Variants in GSE1 observed in about 807,000 individuals in gnomAD.
GSE1 encodes genetic suppressor element 1.
In GSE1, 32 loss-of-function variants were observed where a neutral mutation model predicts 112.6. The ratio of observed to expected loss-of-function variants is 0.28; its 90% CI spans 0.21 to 0.38. The LOEUF is 0.38. Ranked by LOEUF, GSE1 falls within the 10% of genes least tolerant of loss-of-function variation. The pLI, the probability that GSE1 is intolerant of heterozygous loss-of-function variation, is 1.00. For missense variants in GSE1, 2,348 were observed against 1,699.2 expected, an observed-to-expected ratio of 1.38 and a Z score of -6.71; for synonymous variants, 1,115 against 735.6, an observed-to-expected ratio of 1.52 and a Z score of -8.35.
At chr16:85,590,018 T>C (rs942498812) in intron 1 of GSE1, among the ~76,000 whole-genome samples, 41 of 151,776 alleles carry the variant, frequency 2.7e-4, no homozygotes, top group Admixed American at 1.3e-4. Context: ...CCTGTGTGAA[T>C]GAACATGAGA....
Position 85,671,041 on chromosome 16 carries a change from G to C in GSE1, c.3462G>C (p.Leu1154=). 6.2e-7 allele frequency: 1 copy of C among 1,612,996 alleles called. No individual in the cohort carries two copies. The highest frequency in any genetic ancestry group is 2.2e-5 in the East Asian group (1 of 44,856). The change falls in exon 15 of 16, where the codon CTG becomes CTC. Residue 1154 remains leucine, a synonymous_variant. Transcript: ENST00000253458. Reference sequence around the variant, plus strand: ...TGTTACAGACACAATGTAGACGACTGGAGGCCCGGCACTACAGCCTCAGCC... The same window carrying C: ...TGTTACAGACACAATGTAGACGACTCGAGGCCCGGCACTACAGCCTCAGCC... ...RQVLQTQCRR[L]EARHYSLSLT...
At position 85,601,007 on chromosome 16, in the gene GSE1, G is replaced by T. The variant is rs564736952; in HGVS notation, c.37+44644G>T. Among the ~76,000 whole-genome samples the T allele has an allele frequency of 1.9e-4, 25 of 129,198 alleles. No homozygotes were observed. In the East Asian group the frequency reaches 4.8e-3, roughly 25 times the overall value. The allele number at this position is 129,198 out of a possible 152,430, so 84.8% of individuals were successfully genotyped here. A position where few individuals can be genotyped will look rare whatever the true frequency, so the allele number is the denominator to read the frequency against. ...GAGGGAAGGTCGGCTTCCACCAGTG[G>T]GGGGGTTAGAGCTGCCATCCAGGAG... On this transcript the variant is annotated intron_variant, in intron 1 of 2. Transcript: ENST00000635906.
chr16:85,322,756 C>T (rs2046138263), intron 1 of GSE1, among the ~76,000 whole-genome samples: 2 of 152,018 alleles, frequency 1.3e-5, no homozygotes, highest in Admixed American at 1.3e-4. Flanking sequence ...GCTGGGACTA[C>T]AGACGTCCAC....
At chr16:85,588,716 G>A (rs909194961) in intron 1 of GSE1, among the ~76,000 whole-genome samples, 2 of 152,288 alleles carry the variant, frequency 1.3e-5, no homozygotes, top group East Asian at 1.9e-4. Context: ...GGCAGGCGGC[G>A]AAATCTGCCG....
At chr16:85,224,178 G>T (rs1044264959) in intron 1 of GSE1, among the ~76,000 whole-genome samples, 1 of 151,658 alleles carries the variant, frequency 6.6e-6, no homozygotes, top group Non-Finnish European at 1.5e-5. Flanking sequence ...ATGCTGGTGG[G>T]GAGAAAGGAG....
At chr16:85,617,898 C>T (rs191302463) in intron 1 of GSE1, among the ~76,000 whole-genome samples, 1 of 152,286 alleles carries the variant, frequency 6.6e-6, no homozygotes, top group Admixed American at 6.5e-5. Context: ...AAATGGACGT[C>T]TCCCCTCTAC....
At chr16:85,343,021 C>T (rs969926334) in intron 1 of GSE1, among the ~76,000 whole-genome samples, 1 of 151,988 alleles carries the variant, frequency 6.6e-6, no homozygotes, top group African/African-American at 2.4e-5. Flanking sequence ...GTGGAGAAGG[C>T]CTGGGGGTGC....
intron 3 of GSE1, among the ~76,000 whole-genome samples, chr16:85,653,827 C>T (rs778341843): frequency 6.6e-6 from 1 of 152,216 alleles, no homozygotes; most frequent in Non-Finnish European, 1.5e-5. Context: ...GCTGTCGGCG[C>T]AGTTGACGTC....
intron 2 of GSE1, among the ~76,000 whole-genome samples, chr16:85,414,372 A>G (rs2048655809): frequency 1.3e-5 from 2 of 152,228 alleles, no homozygotes; most frequent in Non-Finnish European, 2.9e-5. Context: ...CACATTTTAT[A>G]TCATGACGCA....
At chr16:85,499,505 T>C (rs575986203) in intron 2 of GSE1, among the ~76,000 whole-genome samples, 2 of 151,884 alleles carry the variant, frequency 1.3e-5, no homozygotes, top group South Asian at 4.2e-4. Context: ...AGAGACGGGA[T>C]TTCACCGTGT....
rs183416393 is a variant in GSE1, at chr16:85,433,841, A to G, written c.2464+76198A>G. On this transcript the variant is annotated intron_variant, in intron 2 of 2. Transcript: ENST00000637419. ...GAATGGATGAATGGATGGTGGATAG[A>G]TGTTGGTTGTACAGATGGATGGAAG... Among the ~76,000 whole-genome samples, 8 of 151,310 alleles carry G rather than the reference A, an allele frequency of 5.3e-5. No homozygotes were observed. In the East Asian group the frequency reaches 1.6e-3, roughly 30 times the overall value.
chr16:85,277,200 G>A (rs368922231), intron 1 of GSE1, among the ~76,000 whole-genome samples: 8 of 152,178 alleles, frequency 5.3e-5, no homozygotes, highest in East Asian at 1.9e-4. Context: ...GTGAGGTGGC[G>A]GTGGGGGTGG....
At chr16:85,260,442 C>T (rs978657126) in intron 1 of GSE1, among the ~76,000 whole-genome samples, 2 of 149,800 alleles carry the variant, frequency 1.3e-5, no homozygotes, top group Admixed American at 6.7e-5. Flanking sequence ...CCTGCTTCAG[C>T]GTCCCAAGTC....
At chr16:85,213,262 T>G (rs2075256004) in intron 1 of GSE1, among the ~76,000 whole-genome samples, 1 of 147,808 alleles carries the variant, frequency 6.8e-6, no homozygotes, top group African/African-American at 2.5e-5. Context: ...AGCAAGACTC[T>G]GTTTCAAAAA....
intron 1 of GSE1, among the ~76,000 whole-genome samples, chr16:85,235,617 G>A (rs533772146): frequency 1.7e-4 from 26 of 151,654 alleles, no homozygotes; most frequent in Non-Finnish European, 3.7e-4. Context: ...CTGCCACCAC[G>A]GGGGTGGGGC....
At chr16:85,313,025 A>G (rs1597370586) in intron 1 of GSE1, among the ~76,000 whole-genome samples, 3 of 152,086 alleles carry the variant, frequency 2.0e-5, no homozygotes, top group Admixed American at 2.0e-4. Context: ...GGAGAGGAGG[A>G]GGAGCCACTG....
At chr16:85,669,101 C>G (rs1265402065) in intron 14 of GSE1, among the ~76,000 whole-genome samples, 1 of 152,258 alleles carries the variant, frequency 6.6e-6, no homozygotes, top group Non-Finnish European at 1.5e-5. Context: ...ATTTGATGCT[C>G]CTGTATACTG....
At chr16:85,347,646 A>C (rs568852539) in intron 1 of GSE1, among the ~76,000 whole-genome samples, 50 of 141,910 alleles carry the variant, frequency 3.5e-4, no homozygotes, top group Middle Eastern at 3.2e-3. Context: ...GTCGCCAGTG[A>C]CCTCATCCAT....
intron 2 of GSE1, among the ~76,000 whole-genome samples, chr16:85,368,565 C>A (rs755366031): frequency 1.3e-5 from 2 of 151,920 alleles, no homozygotes; most frequent in Non-Finnish European, 2.9e-5. Flanking sequence ...ATTAGCTGGG[C>A]GTGGTGGTGC....
Sources: gnomAD v4.1 joint callset for allele counts (sites outside exome capture counted in the v4.1 genomes callset) on GRCh38, gnomAD v4.1.1 for gene constraint, MANE v1.5 for transcripts, NCBI Gene and HGNC (gene_info 2026-07-23, HGNC 2026-07-21) for gene names.